The following B3GAT2 variants were observed in gnomAD, a reference collection of about 807,000 sequenced individuals.
B3GAT2 encodes the protein galactosylgalactosylxylosylprotein 3-beta-glucuronosyltransferase 2.
B3GAT2 carries 26 observed loss-of-function variants against 27.8 expected under a neutral mutation model. That is an observed-to-expected ratio of 0.93 (90% CI 0.68 to 1.30). The LOEUF is 1.30. Among genes scored for constraint, B3GAT2 ranks in the 50% most tolerant of loss-of-function variants. The pLI, the probability that B3GAT2 is intolerant of heterozygous loss-of-function variation, is 0.00. For synonymous variants in B3GAT2, 218 were observed against 195.1 expected, an observed-to-expected ratio of 1.12 and a Z score of -0.98; for missense variants, 458 against 459.0, an observed-to-expected ratio of 1.00 and a Z score of 0.02.
chr6:70,872,348 TTGTG>T (rs1342493146), intron 2 of B3GAT2, among the ~76,000 whole-genome samples: 2 of 151,954 alleles, frequency 1.3e-5, no homozygotes, highest in Non-Finnish European at 1.5e-5. Flanking sequence ...CATTTTTACT[TTGTG>T]TATTTTGGAG....
intron 1 of B3GAT2, among the ~76,000 whole-genome samples, chr6:70,920,292 G>C (rs866258309): frequency 2.0e-5 from 3 of 152,204 alleles, no homozygotes; most frequent in Non-Finnish European, 4.4e-5. Flanking sequence ...TGCAGTATTT[G>C]AGCAGGAGTG....
At chr6:70,909,739 G>A (rs886267371) in intron 1 of B3GAT2, among the ~76,000 whole-genome samples, 25 of 152,208 alleles carry the variant, frequency 1.6e-4, no homozygotes, top group African/African-American at 2.9e-4. Flanking sequence ...TCCAAGGTGC[G>A]TGATATAATT....
Position 70,860,854 on chromosome 6 carries a change from C to A in B3GAT2, c.*809G>T. The A allele has an allele frequency of 2.5e-6, 1 of 394,890 alleles. No homozygotes were observed. Among genetic ancestry groups the A allele is most frequent in the Non-Finnish European group, 4.5e-6 (1 of 223,752 alleles). 24.5% of individuals were successfully genotyped at this position (394,890 alleles called of 1,614,324 possible). ...TTCACTGTGCTGTTGTTATGATGTG[C>A]TTAACAGGGAACGTGATTAGTGAAA... On this transcript the variant is annotated 3_prime_UTR_variant, in exon 4 of 4. Transcript: ENST00000230053.
chr6:70,949,097 A>G (rs1177052764), intron 1 of B3GAT2, among the ~76,000 whole-genome samples: 1 of 152,194 alleles, frequency 6.6e-6, no homozygotes, highest in Admixed American at 6.5e-5. Context: ...AAAACCATAA[A>G]AACCCTAGAA....
At chr6:70,954,918 G>T (rs182405061) in intron 1 of B3GAT2, among the ~76,000 whole-genome samples, 6 of 151,550 alleles carry the variant, frequency 4.0e-5, no homozygotes, top group South Asian at 2.1e-4. Context: ...GGGGCGGCGG[G>T]GGGGGGCGGT....
chr6:70,861,666 T>C lies in B3GAT2; in HGVS notation c.969A>G (p.Val323=). 6.2e-7 allele frequency: 1 copy of C among 1,613,258 alleles called. No individual in the cohort carries two copies. The highest frequency in any genetic ancestry group is 1.7e-5 in the Admixed American group (1 of 60,010). The change falls in exon 4 of 4, where the codon GTA becomes GTG. Residue 323 remains valine (V), a synonymous_variant. Coordinates refer to ENST00000230053, the MANE Select transcript of B3GAT2 (RefSeq NM_080742.3). The part of the protein sequence containing the change: ...KYHLDTVKIE[V] ...CTGCACCAGTTGCTGCTTCAATTTA[T>C]ACCTCAATTTTCACTGTGTCCAGGT...
intron 1 of B3GAT2, among the ~76,000 whole-genome samples, chr6:70,940,410 C>T (rs1765370773): frequency 6.6e-6 from 1 of 152,052 alleles, no homozygotes; most frequent in East Asian, 1.9e-4. Flanking sequence ...CCACCTCCTC[C>T]AACAGGTGCT....
At chr6:70,910,340 A>G (rs1772670116) in intron 1 of B3GAT2, among the ~76,000 whole-genome samples, 1 of 152,032 alleles carries the variant, frequency 6.6e-6, no homozygotes, top group Admixed American at 6.6e-5. Flanking sequence ...TCCACCCTCA[A>G]GTAGGTCCAG....
intron 1 of B3GAT2, among the ~76,000 whole-genome samples, chr6:70,930,651 A>G (rs1443183070): frequency 1.3e-5 from 2 of 152,218 alleles, no homozygotes; most frequent in African/African-American, 4.8e-5. Flanking sequence ...ATCTCACACC[A>G]GTTAGAATGG....
At chr6:70,914,410 G>C (rs955242344) in intron 1 of B3GAT2, among the ~76,000 whole-genome samples, 25 of 152,142 alleles carry the variant, frequency 1.6e-4, no homozygotes, top group Admixed American at 1.5e-3. Context: ...GTGATAGTTT[G>C]CTGAGAACGA....
At position 70,860,789 on chromosome 6, in the gene B3GAT2, G is replaced by A. The variant is rs1207931860; in HGVS notation, c.*874C>T. 5.0e-6 allele frequency: 2 copies of A among 398,510 alleles called. No individual in the cohort carries two copies. The highest frequency in any genetic ancestry group is 8.9e-6 in the Non-Finnish European group (2 of 225,854). 24.7% of individuals were successfully genotyped at this position (398,510 alleles called of 1,614,324 possible). On this transcript the variant is annotated 3_prime_UTR_variant, in exon 4 of 4. Transcript: ENST00000230053. The stretch of plus-strand genomic sequence containing the variant: ...GAATGTAAATGTCTCACTGAGCACT[G>A]TTTTCTAGTGTATCAAAATGCTCTT...
intron 1 of B3GAT2, among the ~76,000 whole-genome samples, chr6:70,904,949 T>C (rs530207742): frequency 1.3e-5 from 2 of 152,232 alleles, no homozygotes; most frequent in South Asian, 4.1e-4. Context: ...GACCTGGCAA[T>C]ATATGCTGCT....
chr6:70,856,692 T>C lies in B3GAT2; in HGVS notation c.*4971A>G, dbSNP rs1013171919. On this transcript the variant is annotated 3_prime_UTR_variant, in exon 4 of 4. Coordinates refer to ENST00000230053, the MANE Select transcript of B3GAT2 (RefSeq NM_080742.3). ...GAAGTACTGTCTTGATTGTAGATGTTTTTATATGGGCTTGGGCTTGTAAGT... is the reference window on the plus strand; with the variant it reads ...GAAGTACTGTCTTGATTGTAGATGTCTTTATATGGGCTTGGGCTTGTAAGT... 8 of 563,612 alleles carry C rather than the reference T, an allele frequency of 1.4e-5. No homozygotes were observed. Among genetic ancestry groups the C allele is most frequent in the Admixed American group, 3.5e-5 (1 of 28,808 alleles). The allele number at this position is 563,612 out of a possible 1,614,324, so 34.9% of individuals were successfully genotyped here.
rs761498824 is a variant in B3GAT2 at position 70,857,992 on chromosome 6, G to A, written c.*3671C>T. 153 of 1,613,980 alleles carry A rather than the reference G, an allele frequency of 9.5e-5. 1 individual carries two copies. The South Asian group carries it at 1.4e-3, about 14-fold the overall frequency. On this transcript the variant is annotated 3_prime_UTR_variant, in exon 4 of 4. Transcript: ENST00000230053. Reference sequence around the variant, plus strand: ...CAGCTGCATTTCAGGGCTTTCCATCGATGGGCGTGCCTGTGCCTGCAGCTC... The same window carrying A: ...CAGCTGCATTTCAGGGCTTTCCATCAATGGGCGTGCCTGTGCCTGCAGCTC...
intron 1 of B3GAT2, 40 bp from the exon 2 acceptor site, chr6:70,894,312 G>A (rs777556029): frequency 5.9e-6 from 9 of 1,516,514 alleles, no homozygotes; most frequent in Non-Finnish European, 8.0e-6. Context: ...AGTTTCCTTA[G>A]GAAAAAGAGG....
chr6:70,922,725 G>A (rs975184731), intron 1 of B3GAT2, among the ~76,000 whole-genome samples: 5 of 151,182 alleles, frequency 3.3e-5, no homozygotes, highest in African/African-American at 4.9e-5. Flanking sequence ...AAGAAGAGAG[G>A]TAGAAAAATC....
At chr6:70,873,779 CTA>C (rs781348666) in intron 2 of B3GAT2, among the ~76,000 whole-genome samples, 1 of 152,104 alleles carries the variant, frequency 6.6e-6, no homozygotes, top group East Asian at 1.9e-4. Flanking sequence ...ATCAATTTAT[CTA>C]TGTTTCAAAT....
chr6:70,903,652 T>C (rs1424695298), intron 1 of B3GAT2, among the ~76,000 whole-genome samples: 1 of 152,006 alleles, frequency 6.6e-6, no homozygotes, highest in Non-Finnish European at 1.5e-5. Context: ...ACAATAAAAT[T>C]AAAATTTCAG....
At chr6:70,880,761 G>A (rs542076960) in intron 2 of B3GAT2, among the ~76,000 whole-genome samples, 2 of 152,140 alleles carry the variant, frequency 1.3e-5, no homozygotes, top group South Asian at 2.1e-4. Flanking sequence ...TGCCTCCCGG[G>A]TTCAAACAAT....
Sources: allele counts gnomAD v4.1 joint callset (sites outside exome capture counted in the v4.1 genomes callset), GRCh38; gene constraint gnomAD v4.1.1; transcripts MANE v1.5; gene names NCBI Gene and HGNC (gene_info 2026-07-23, HGNC 2026-07-21).